UNC79: variants seen among roughly 807,000 people sequenced by gnomAD.
UNC79 encodes unc-79 subunit of NALCN channel complex.
Under a neutral mutation model 283.1 loss-of-function variants are expected in UNC79, and 37 were observed. That is an observed-to-expected ratio of 0.13 (90% confidence interval 0.10 to 0.17). The LOEUF is 0.17. Ranked by LOEUF, UNC79 falls within the 10% of genes least tolerant of loss-of-function variation. The pLI, the probability that UNC79 is intolerant of heterozygous loss-of-function variation, is 1.00. For missense variants in UNC79, 2,272 were observed against 3,211.1 expected (o/e 0.71, Z 7.07); for synonymous variants, 1,107 against 1,200.2 (o/e 0.92, Z 1.61).
intron 38 of UNC79, among the ~76,000 whole-genome samples, chr14:93,655,660 A>C (rs920245263): frequency 6.6e-6 from 1 of 151,748 alleles, no homozygotes; most frequent in African/African-American, 2.4e-5. Flanking sequence ...AAAAAAAAAA[A>C]ACAAAAAAAC....
intron 11 of UNC79, among the ~76,000 whole-genome samples, chr14:93,534,523 T>C (rs932091558): frequency 1.1e-4 from 16 of 152,238 alleles, no homozygotes; most frequent in African/African-American, 3.9e-4. Context: ...GTCCTTCCTA[T>C]ATTTTGGGCG....
chr14:93,494,735 C>T (rs1344363112), intron 5 of UNC79, among the ~76,000 whole-genome samples: 1 of 152,082 alleles, frequency 6.6e-6, no homozygotes. Context: ...GATAATGGCC[C>T]AGTGGAAGAG....
At chr14:93,348,658 C>G (rs2053918850) in intron 1 of UNC79, among the ~76,000 whole-genome samples, 1 of 152,164 alleles carries the variant, frequency 6.6e-6, no homozygotes, top group Admixed American at 6.6e-5. Flanking sequence ...ATGAGTACAT[C>G]TCCTATTTTA....
At chr14:93,547,062 T>A (rs2061635839) in intron 14 of UNC79, among the ~76,000 whole-genome samples, 1 of 152,162 alleles carries the variant, frequency 6.6e-6, no homozygotes, top group Non-Finnish European at 1.5e-5. Context: ...GTGACACAGT[T>A]GACAAGGCAG....
chr14:93,642,091 G>A (rs2140212675), intron 33 of UNC79, among the ~76,000 whole-genome samples: 1 of 152,186 alleles, frequency 6.6e-6, no homozygotes, highest in Non-Finnish European at 1.5e-5. Flanking sequence ...GTCTTTATTA[G>A]CAGCATGAGA....
chr14:93,487,526 A>G (rs1595607744), intron 4 of UNC79, 137 bp from the exon 5 acceptor site: 2 of 623,362 alleles, frequency 3.2e-6, no homozygotes, highest in East Asian at 5.6e-5. Context: ...TTGTGGTTTC[A>G]TTTGTGCAAA....
chr14:93,597,545 C>T lies in UNC79; in HGVS notation c.3372+5C>T. 6.2e-7 allele frequency: 1 copy of T among 1,609,576 alleles called. No homozygotes were observed. On this transcript the variant is annotated splice_donor_5th_base_variant and intron_variant, in intron 24 of 48. Coordinates refer to ENST00000555664, the Ensembl canonical transcript of UNC79. The stretch of plus-strand genomic sequence containing the variant: ...ATAAAGAGGCCAGCATTGCAGGTGA[C>T]ATGTGATTTGTGTTATCTGCTCCGA...
intron 33 of UNC79, 138 bp from the exon 37 acceptor site, chr14:93,643,419 G>A (rs993451456): frequency 4.2e-6 from 5 of 1,191,704 alleles, no homozygotes; most frequent in Non-Finnish European, 3.6e-6. Context: ...ATCCTCTACT[G>A]ATTACCAGAG....
At chr14:93,532,488 T>A in intron 10 of UNC79, 62 bp from the exon 11 acceptor site, 2 of 1,558,150 alleles carry the variant, frequency 1.3e-6, no homozygotes, top group East Asian at 2.3e-5. Context: ...AATTAATTAA[T>A]TAAATAAAAA....
Position 93,572,825 on chromosome 14 carries a change from A to T in UNC79, c.2070+9A>T. ...CTTTACTGTGGCTTCATGTAAGTGA[A>T]TAATACTTTCGATCATTTTAGGAAA... On this transcript the variant is annotated intron_variant, in intron 16 of 48. Transcript: ENST00000555664. The T allele has an allele frequency of 1.2e-6, 2 of 1,612,364 alleles. No individual in the cohort carries two copies. Among genetic ancestry groups the T allele is most frequent in the Non-Finnish European group, 1.7e-6 (2 of 1,179,492 alleles).
intron 30 of UNC79, among the ~76,000 whole-genome samples, chr14:93,625,689 G>A (rs1258220000): frequency 2.6e-5 from 4 of 152,010 alleles, no homozygotes; most frequent in East Asian, 3.9e-4. Flanking sequence ...CCCCTACTTC[G>A]TGTCTTTTCT....
chr14:93,492,954 C>T (rs1379917916), intron 5 of UNC79, among the ~76,000 whole-genome samples: 2 of 152,136 alleles, frequency 1.3e-5, no homozygotes, highest in Admixed American at 1.3e-4. Flanking sequence ...ATGGGACTGA[C>T]CCCATCCTCA....
chr14:93,350,927 C>T (rs1429671522), intron 1 of UNC79, among the ~76,000 whole-genome samples: 1 of 152,158 alleles, frequency 6.6e-6, no homozygotes, highest in Non-Finnish European at 1.5e-5. Context: ...TTTATCTGTA[C>T]TCTTGATTTT....
At chr14:93,478,685 T>A (rs1950086475) in intron 4 of UNC79, among the ~76,000 whole-genome samples, 1 of 152,236 alleles carries the variant, frequency 6.6e-6, no homozygotes, top group Admixed American at 6.5e-5. Context: ...GCTAGCACAA[T>A]GCCTGGTATG....
chr14:93,508,365 A>G (rs1435829120), intron 7 of UNC79, among the ~76,000 whole-genome samples: 2 of 152,170 alleles, frequency 1.3e-5, no homozygotes, highest in Admixed American at 1.3e-4. Context: ...TTTATTAAAA[A>G]CAGCAGCAGC....
chr14:93,487,485 C>T (rs892727196), intron 4 of UNC79, among the ~76,000 whole-genome samples, 178 bp from the exon 5 acceptor site: 2 of 152,116 alleles, frequency 1.3e-5, no homozygotes, highest in Non-Finnish European at 2.9e-5. Flanking sequence ...ATGGAGATGA[C>T]AACTGTAGCA....
intron 46 of UNC79, among the ~76,000 whole-genome samples, chr14:93,692,847 G>A (rs1321270854): frequency 6.6e-6 from 1 of 152,224 alleles, no homozygotes; most frequent in African/African-American, 2.4e-5. Context: ...TTCTGACTGT[G>A]TATTGGAGGA....
chr14:93,467,656 T>TATA lies in UNC79; in HGVS notation c.23-15_23-14insATA. The stretch of plus-strand genomic sequence containing the variant: ...TTTTTTTTTTTTTTTTTTTTTTTTT[T>TATA]TTGCTTTTATCTAGTTGCTTCCAAG... On this transcript the variant is annotated splice_polypyrimidine_tract_variant and intron_variant, in intron 1 of 48. Transcript: ENST00000555664. 1 of 1,134,410 alleles carries TATA rather than the reference T, an allele frequency of 8.8e-7. No individual in the cohort carries two copies. Among genetic ancestry groups the TATA allele is most frequent in the Non-Finnish European group, 1.1e-6 (1 of 923,272 alleles). The allele number at this position is 1,134,410 out of a possible 1,614,324, so 70.3% of individuals were successfully genotyped here. A position where few individuals can be genotyped will look rare whatever the true frequency, so the allele number is the denominator to read the frequency against.
chr14:93,540,562 G>C lies in UNC79; in HGVS notation c.1353-98G>C, dbSNP rs911704553. 1.2e-5 allele frequency: 16 copies of C among 1,346,610 alleles called. No individual in the cohort carries two copies. In the Admixed American group the frequency reaches 2.8e-4, roughly 23 times the overall value. The allele number at this position is 1,346,610 out of a possible 1,614,324, so 83.4% of individuals were successfully genotyped here. On this transcript the variant is annotated intron_variant, in intron 12 of 48. Transcript: ENST00000555664. ...ACTCAATTTAAAGAAGAGCAATCCAGGATGCTTGAGTACTCGTGAGGTACT... is the reference window on the plus strand; with the variant it reads ...ACTCAATTTAAAGAAGAGCAATCCACGATGCTTGAGTACTCGTGAGGTACT...
Sources: allele counts gnomAD v4.1 joint callset (sites outside exome capture counted in the v4.1 genomes callset), GRCh38; gene constraint gnomAD v4.1.1; transcripts MANE v1.5; gene names NCBI Gene and HGNC (gene_info 2026-07-23, HGNC 2026-07-21).